Variants in FAT3 observed in about 807,000 individuals in gnomAD.
The protein encoded by FAT3 is protocadherin Fat 3.
FAT3 carries 95 observed loss-of-function variants against 310.2 expected under a neutral mutation model. That is an observed-to-expected ratio of 0.31 (90% CI 0.26 to 0.36). The LOEUF (loss-of-function observed/expected upper bound fraction) is 0.36. Ranked by LOEUF, FAT3 falls within the 10% of genes least tolerant of loss-of-function variation. The pLI is 1.00. For missense variants in FAT3, 5,408 were observed against 5,715.6 expected, an observed-to-expected ratio of 0.95 and a Z score of 1.74; for synonymous variants, 2,314 against 2,192.9, an observed-to-expected ratio of 1.06 and a Z score of -1.54.
intron 2 of FAT3, among the ~76,000 whole-genome samples, chr11:92,418,948 T>C (rs188938075): frequency 2.0e-5 from 3 of 152,256 alleles, no homozygotes; most frequent in Admixed American, 6.5e-5. Context: ...AGAAAACATT[T>C]TTATAGTATC....
chr11:92,878,669 C>CAAAAA (rs1949599281), intron 22 of FAT3, among the ~76,000 whole-genome samples: 2 of 11,784 alleles, frequency 1.7e-4, no homozygotes, highest in Non-Finnish European at 1.5e-4. Flanking sequence ...AAAAAAAAAG[C>CAAAAA]TCCGCACAAA....
intron 3 of FAT3, among the ~76,000 whole-genome samples, chr11:92,585,628 T>C (rs1197010647): frequency 1.3e-5 from 2 of 151,994 alleles, no homozygotes; most frequent in Admixed American, 6.6e-5. Context: ...GATACATGAT[T>C]GTTGTTTTAA....
intron 1 of FAT3, among the ~76,000 whole-genome samples, chr11:92,319,263 T>G (rs1947545848): frequency 6.6e-6 from 1 of 152,180 alleles, no homozygotes; most frequent in South Asian, 2.1e-4. Context: ...TTGTTCAAGT[T>G]GATCGGGATA....
rs555142530 is a variant in FAT3, at chr11:92,362,100, C to T, written c.3292+6696C>T. On this transcript the variant is annotated intron_variant, in intron 2 of 27. Transcript: ENST00000525166. ...TGAGGAAAGACTCACAGGCCCGTGCCTATGCATTTACATTTACCTTTCTTT... is the reference window on the plus strand; with the variant it reads ...TGAGGAAAGACTCACAGGCCCGTGCTTATGCATTTACATTTACCTTTCTTT... Among the ~76,000 whole-genome samples, 23 of 152,280 alleles carry T rather than the reference C, an allele frequency of 1.5e-4. No homozygotes were observed. In the East Asian group the frequency reaches 4.1e-3, roughly 27 times the overall value.
intron 3 of FAT3, among the ~76,000 whole-genome samples, chr11:92,683,899 T>C (rs1483761498): frequency 6.6e-6 from 1 of 152,176 alleles, no homozygotes; most frequent in African/African-American, 2.4e-5. Flanking sequence ...TCAAAAGAAT[T>C]AAAATCACAG....
chr11:92,337,683 C>A (rs149603057), intron 1 of FAT3, among the ~76,000 whole-genome samples: 1 of 152,204 alleles, frequency 6.6e-6, no homozygotes, highest in Non-Finnish European at 1.5e-5. Flanking sequence ...CCATATGCCT[C>A]GGCCTCCCAA....
intron 2 of FAT3, among the ~76,000 whole-genome samples, chr11:92,417,772 A>G (rs1950447684): frequency 1.3e-5 from 2 of 152,224 alleles, no homozygotes; most frequent in South Asian, 4.1e-4. Context: ...AAGTAAAACA[A>G]AACAACAAAA....
intron 4 of FAT3, among the ~76,000 whole-genome samples, chr11:92,736,695 A>G (rs1945360024): frequency 6.6e-6 from 1 of 152,180 alleles, no homozygotes; most frequent in South Asian, 2.1e-4. Context: ...TAGAAATTTC[A>G]TTTTTAGGAA....
intron 22 of FAT3, among the ~76,000 whole-genome samples, chr11:92,871,502 T>A (rs1949390912): frequency 6.6e-6 from 1 of 152,214 alleles, no homozygotes; most frequent in Admixed American, 6.5e-5. Context: ...CTGGGGAAAC[T>A]TTGACTCTTT....
chr11:92,492,096 G>C (rs11019976), intron 2 of FAT3, among the ~76,000 whole-genome samples: 12,765 of 152,088 alleles, frequency 0.084, 627 homozygotes, highest in African/African-American at 0.13. Context: ...AAAGCAATTT[G>C]CTAGACCTAG....
intron 4 of FAT3, among the ~76,000 whole-genome samples, chr11:92,737,401 A>G (rs1442056268): frequency 1.3e-5 from 2 of 152,140 alleles, no homozygotes; most frequent in Admixed American, 6.5e-5. Flanking sequence ...GTGGTGTCAG[A>G]TGAAGTAATT....
chr11:92,251,289 G>A (rs1187177), intron 1 of FAT3, among the ~76,000 whole-genome samples: 45,748 of 151,938 alleles, frequency 0.3, 7,362 homozygotes, highest in South Asian at 0.49. Flanking sequence ...TTGTTGGTGG[G>A]CTCACACAAG....
intron 2 of FAT3, among the ~76,000 whole-genome samples, chr11:92,496,632 G>C (rs1952774138): frequency 6.6e-6 from 1 of 151,972 alleles, no homozygotes; most frequent in African/African-American, 2.4e-5. Flanking sequence ...GTGAGCCTCT[G>C]TTTTATTCTC....
At chr11:92,719,720 CTGTGTGTG>C (rs751825746) in intron 4 of FAT3, among the ~76,000 whole-genome samples, 1,545 of 136,840 alleles carry the variant, frequency 0.011, 12 homozygotes, top group African/African-American at 0.016. Flanking sequence ...AGAACCAACT[CTGTGTGTG>C]TGTGTGTGTG....
intron 3 of FAT3, among the ~76,000 whole-genome samples, chr11:92,666,785 A>G (rs1405939118): frequency 6.6e-6 from 1 of 152,166 alleles, no homozygotes; most frequent in African/African-American, 2.4e-5. Flanking sequence ...GAGCTGAGCT[A>G]TAGTCCAGCC....
chr11:92,771,859 T>C (rs1401158932), intron 6 of FAT3, among the ~76,000 whole-genome samples: 1 of 152,024 alleles, frequency 6.6e-6, no homozygotes, highest in Admixed American at 6.6e-5. Flanking sequence ...GTAAATGTTA[T>C]ACCACTAAGC....
At chr11:92,795,781 G>A (rs903102592) in intron 9 of FAT3, among the ~76,000 whole-genome samples, 1 of 152,066 alleles carries the variant, frequency 6.6e-6, no homozygotes, top group African/African-American at 2.4e-5. Context: ...AGTGGTGCCT[G>A]CCTGCAGTCC....
intron 1 of FAT3, among the ~76,000 whole-genome samples, chr11:92,315,496 TATATATATATATATATAG>T (rs1947422723): frequency 1.1e-5 from 1 of 89,848 alleles, no homozygotes; most frequent in African/African-American, 4.1e-5. Context: ...TATATATATA[TATATATATATATATATAG>T]AGAGAGAGAG....
At chr11:92,573,733 G>A (rs1167047669) in intron 3 of FAT3, among the ~76,000 whole-genome samples, 1 of 152,078 alleles carries the variant, frequency 6.6e-6, no homozygotes, top group African/African-American at 2.4e-5. Context: ...GCCAGCAGCT[G>A]CCAGAAGGTA....
Sources: gnomAD v4.1 joint callset for allele counts (sites outside exome capture counted in the v4.1 genomes callset) on GRCh38, gnomAD v4.1.1 for gene constraint, MANE v1.5 for transcripts, NCBI Gene and HGNC (gene_info 2026-07-23, HGNC 2026-07-21) for gene names.